AGMO: variants seen among roughly 807,000 people sequenced by gnomAD.
AGMO encodes glyceryl-ether monooxygenase.
A neutral mutation model predicts 60.2 loss-of-function variants in AGMO; 75 were observed. The observed-to-expected ratio is 1.25, with a 90% CI of 1.03 to 1.51. AGMO has a LOEUF of 1.51. Among genes scored for constraint, AGMO ranks in the 40% most tolerant of loss-of-function variants. The pLI, the probability that AGMO is intolerant of heterozygous loss-of-function variation, is 0.00. For missense variants in AGMO, 763 were observed against 525.5 expected (o/e 1.45, Z -4.42); for synonymous variants, 261 against 177.1 (o/e 1.47, Z -3.76).
rs1562557353 is a variant in AGMO at position 15,531,450 on chromosome 7, TTCTCTATATATATTCTATATATATTC to T, written c.409+13296_409+13321del. ...ATTCTATATATATATTCTATATATA[TTCTCTATATATATTCTATATATATTC>T]TCTATATATATTCTATATATATTCT... On this transcript the variant is annotated intron_variant, in intron 3 of 12. Transcript: ENST00000342526. 2.6e-4 allele frequency among the ~76,000 whole-genome samples: 12 copies of T among 45,916 alleles called. 2 individuals are homozygous for T. The East Asian group carries it at 4.3e-3, about 16-fold the overall frequency. The allele number at this position is 45,916 out of a possible 152,430, so 30.1% of individuals were successfully genotyped here.
intron 10 of AGMO, among the ~76,000 whole-genome samples, chr7:15,366,858 A>T (rs1223568272): frequency 2.0e-5 from 3 of 152,000 alleles, no homozygotes; most frequent in Non-Finnish European, 4.4e-5. Flanking sequence ...GAGCCAAGGG[A>T]AAGAATGAGT....
intron 12 of AGMO, among the ~76,000 whole-genome samples, chr7:15,302,248 C>A (rs900985546): frequency 1.3e-5 from 2 of 151,820 alleles, no homozygotes; most frequent in Non-Finnish European, 2.9e-5. Flanking sequence ...TATTTTTTAC[C>A]TCTGAAATAA....
chr7:15,261,159 T>A (rs1783258348), intron 12 of AGMO, among the ~76,000 whole-genome samples: 1 of 151,340 alleles, frequency 6.6e-6, no homozygotes, highest in Non-Finnish European at 1.5e-5. Flanking sequence ...AAAGAAATAA[T>A]CAGAGCAGAA....
At position 15,365,507 on chromosome 7, in the gene AGMO, G is replaced by A. The variant is rs778907577; in HGVS notation, c.1263+7C>T. ...CCATCCTGTGGCTACCTAAACAAAT[G>A]TCTTACCTCAAAAGCAGATGACAAT... On this transcript the variant is annotated splice_region_variant and intron_variant, in intron 12 of 12. Coordinates refer to ENST00000342526, the MANE Select transcript of AGMO (RefSeq NM_001004320.2). 2.2e-5 allele frequency: 35 copies of A among 1,598,438 alleles called. No individual in the cohort carries two copies. The highest frequency in any genetic ancestry group is 2.9e-5 in the Non-Finnish European group (34 of 1,167,624).
At chr7:15,400,083 A>T (rs905539320) in intron 5 of AGMO, among the ~76,000 whole-genome samples, 3 of 152,070 alleles carry the variant, frequency 2.0e-5, no homozygotes, top group African/African-American at 7.2e-5. Context: ...TTCATTTCTC[A>T]TACTATATTG....
rs544872106 is a variant in AGMO, at chr7:15,337,024, A to G, written c.1263+28490T>C. Among the ~76,000 whole-genome samples the G allele has an allele frequency of 7.9e-5, 12 of 152,334 alleles. No homozygotes were observed. The South Asian group carries it at 2.5e-3, about 32-fold the overall frequency. On this transcript the variant is annotated intron_variant, in intron 12 of 12. Transcript: ENST00000342526. ...GGCACTCAAACGTATGTAACTGTGT[A>G]TATCACAATATCATCATATGCCATC...
chr7:15,400,332 G>C (rs761229329), intron 5 of AGMO, among the ~76,000 whole-genome samples: 2 of 152,142 alleles, frequency 1.3e-5, no homozygotes, highest in Non-Finnish European at 1.5e-5. Flanking sequence ...ACTGGGAAAA[G>C]TGCTACTGGC....
In AGMO at chr7:15,559,040, G is replaced by A. The variant is rs771956503; in HGVS notation, c.257+1101C>T. Among the ~76,000 whole-genome samples, 19 of 152,170 alleles carry A rather than the reference G, an allele frequency of 1.2e-4. No individual in the cohort carries two copies. In the Middle Eastern group the frequency reaches 0.01, roughly 82 times the overall value. On this transcript the variant is annotated intron_variant, in intron 2 of 12. Transcript: ENST00000342526. ...CTCTGCCTCTTTGGTAAGCCCTCAC[G>A]TGTTGAAGATGACTTCCATTTATTG...
At chr7:15,440,840 G>T (rs569031642) in intron 3 of AGMO, among the ~76,000 whole-genome samples, 295 of 152,268 alleles carry the variant, frequency 1.9e-3, no homozygotes, top group African/African-American at 6.7e-3. Context: ...TAAGGTTAAT[G>T]GAAAGTAATG....
intron 12 of AGMO, among the ~76,000 whole-genome samples, chr7:15,247,330 C>A (rs1782769476): frequency 6.6e-6 from 1 of 151,158 alleles, no homozygotes; most frequent in South Asian, 2.1e-4. Context: ...ATTAAAATTT[C>A]AAATGCTGAA....
At chr7:15,394,297 T>C (rs574945298) in intron 5 of AGMO, 118 bp from the exon 6 acceptor site, 4 of 773,064 alleles carry the variant, frequency 5.2e-6, no homozygotes, top group South Asian at 5.2e-5. Context: ...TCAGGGTTGG[T>C]ATCAGAGAGT....
intron 12 of AGMO, among the ~76,000 whole-genome samples, chr7:15,345,876 G>C (rs980991033): frequency 1.5e-4 from 22 of 150,678 alleles, no homozygotes; most frequent in African/African-American, 5.1e-4. Context: ...TACAAAATTG[G>C]TACTTAATTT....
intron 10 of AGMO, among the ~76,000 whole-genome samples, chr7:15,382,745 T>C (rs1477217946): frequency 1.3e-5 from 2 of 152,122 alleles, no homozygotes; most frequent in East Asian, 3.9e-4. Context: ...CCGGACAAAT[T>C]TAATTGAATA....
intron 12 of AGMO, among the ~76,000 whole-genome samples, chr7:15,255,534 C>CAAAAAAA (rs60035165): frequency 1.9e-4 from 22 of 115,810 alleles, no homozygotes; most frequent in African/African-American, 6.5e-4. Flanking sequence ...TGTAAGAATA[C>CAAAAAAA]AAAAAAAAAA....
chr7:15,363,528 T>A (rs1178460117), intron 12 of AGMO, among the ~76,000 whole-genome samples: 1 of 152,174 alleles, frequency 6.6e-6, no homozygotes, highest in Non-Finnish European at 1.5e-5. Context: ...AAAGAACACA[T>A]AGCTACTTAG....
intron 3 of AGMO, among the ~76,000 whole-genome samples, chr7:15,478,924 T>C (rs1470680073): frequency 6.6e-6 from 1 of 152,194 alleles, no homozygotes; most frequent in African/African-American, 2.4e-5. Context: ...TCGGTCATGC[T>C]GTTCATCATC....
the AGMO span, among the ~76,000 whole-genome samples, chr7:15,135,979 C>CTTTTTTTTTTTTTTTTTTTTTTTT: frequency 3.1e-3 from 327 of 106,770 alleles, no homozygotes; most frequent in Middle Eastern, 0.018. Flanking sequence ...TTTTTCTTTT[C>CTTTTTTTTTTTTTTTTTTTTTTTT]TTTTTTTTTT....
At chr7:15,285,529 C>A (rs1022796235) in intron 12 of AGMO, among the ~76,000 whole-genome samples, 8 of 151,966 alleles carry the variant, frequency 5.3e-5, no homozygotes, top group Non-Finnish European at 7.4e-5. Context: ...GGTGAAAGAT[C>A]TCTACAAGGA....
chr7:15,361,205 G>C (rs1396326706), intron 12 of AGMO, among the ~76,000 whole-genome samples: 1 of 151,626 alleles, frequency 6.6e-6, no homozygotes, highest in Non-Finnish European at 1.5e-5. Flanking sequence ...CAACTCTAGG[G>C]TCATGCAGCC....
Sources: gnomAD v4.1 joint callset for allele counts (sites outside exome capture counted in the v4.1 genomes callset) on GRCh38, gnomAD v4.1.1 for gene constraint, MANE v1.5 for transcripts, NCBI Gene and HGNC (gene_info 2026-07-23, HGNC 2026-07-21) for gene names.